Variants in BTBD7 observed in about 807,000 individuals in gnomAD.
BTBD7 encodes the protein BTB domain containing 7.
Under a neutral mutation model 99.9 loss-of-function variants are expected in BTBD7, and 38 were observed. The observed-to-expected ratio is 0.38, with a 90% confidence interval of 0.29 to 0.50. BTBD7 has a LOEUF of 0.50. Ranked by LOEUF, BTBD7 falls within the 20% of genes least tolerant of loss-of-function variation. BTBD7 has a pLI of 0.93. For missense variants in BTBD7, 1,170 were observed against 1,394.6 expected (o/e 0.84, Z 2.57); for synonymous variants, 520 against 511.4 (o/e 1.02, Z -0.23).
At chr14:93,291,574 T>C (rs1288392166) in intron 3 of BTBD7, among the ~76,000 whole-genome samples, 1 of 152,142 alleles carries the variant, frequency 6.6e-6, no homozygotes, top group East Asian at 1.9e-4. Context: ...GGGAAAGATA[T>C]GCCCCACATG....
intron 3 of BTBD7, chr14:93,288,815 A>G: frequency 1.4e-6 from 2 of 1,471,086 alleles, no homozygotes; most frequent in Admixed American, 2.6e-5. Context: ...TATACTTTTG[A>G]GCTGTTCACC....
At chr14:93,302,696 T>C (rs958995542) in intron 1 of BTBD7, among the ~76,000 whole-genome samples, 4 of 151,988 alleles carry the variant, frequency 2.6e-5, no homozygotes, top group Non-Finnish European at 2.9e-5. Context: ...AATACAAAAA[T>C]TAGCCCGGCG....
intron 8 of BTBD7, 40 bp downstream of exon 8, chr14:93,251,423 A>G (rs937120528): frequency 1.3e-6 from 2 of 1,506,680 alleles, no homozygotes; most frequent in Non-Finnish European, 1.8e-6. Context: ...AAAACAATAA[A>G]TTATTCATTT....
chr14:93,275,951 C>A lies in BTBD7; in HGVS notation c.1163-11958G>T, dbSNP rs557618545. Reference sequence around the variant, plus strand: ...AGTCTTGGCCATGCATGGTGGCTCACGCCTGTAGTCCCAGCACTTTGGGAG... The same window carrying A: ...AGTCTTGGCCATGCATGGTGGCTCAAGCCTGTAGTCCCAGCACTTTGGGAG... On this transcript the variant is annotated intron_variant, in intron 3 of 10. Transcript: ENST00000334746. Among the ~76,000 whole-genome samples the A allele has an allele frequency of 3.3e-5, 5 of 152,250 alleles. No homozygotes were observed. The East Asian group carries it at 5.8e-4, about 18-fold the overall frequency.
rs574940339 is a variant in BTBD7 at position 93,299,909 on chromosome 14, G to A, written c.-106-3752C>T. Among the ~76,000 whole-genome samples the A allele has an allele frequency of 7.3e-4, 111 of 152,318 alleles. 3 individuals are homozygous for A. In the South Asian group the frequency reaches 0.021, roughly 29 times the overall value. Reference sequence around the variant, plus strand: ...CACCTTTAAAGTGCTGAGGTTCATTGTAAAGAGGGAGCATTCAGCATGATC... The same window carrying A: ...CACCTTTAAAGTGCTGAGGTTCATTATAAAGAGGGAGCATTCAGCATGATC... On this transcript the variant is annotated intron_variant, in intron 1 of 10. Transcript: ENST00000334746.
rs756545835 is a variant in BTBD7, at chr14:93,242,338, A to G, written c.3334T>C (p.Ser1112Pro). 1 of 1,614,004 alleles carries G rather than the reference A, an allele frequency of 6.2e-7. No homozygotes were observed. The highest frequency in any genetic ancestry group is 1.3e-5 in the African/African-American group (1 of 74,890). The change falls in exon 11 of 11, where the codon TCA becomes CCA. Residue 1112 changes from serine to proline, a missense_variant. Ser to Pro is a moderately conservative substitution (Grantham distance 74). Around this residue, in one of 4 missense-constraint regions of BTBD7, gnomAD observed 495 missense variants for 525.9 expected, o/e 0.94. Transcript: ENST00000334746. ...QRNTDLERED[S>P]ISRGRRSPSK... is the part of the protein sequence containing the mutation. The stretch of plus-strand genomic sequence containing the variant: ...GGTGACCTCCTTCCTCTGCTTATTG[A>G]ATCTTCCCTTTCCAAATCTGTATTT...
intron 1 of BTBD7, among the ~76,000 whole-genome samples, chr14:93,312,884 G>A (rs971411893): frequency 1.3e-5 from 2 of 152,004 alleles, no homozygotes; most frequent in Admixed American, 1.3e-4. Flanking sequence ...TCTTTTGCCG[G>A]CTCTGGGTCT....
intron 3 of BTBD7, among the ~76,000 whole-genome samples, chr14:93,281,687 G>A (rs751872613): frequency 6.6e-6 from 1 of 152,160 alleles, no homozygotes; most frequent in African/African-American, 2.4e-5. Context: ...AAGATAGCAC[G>A]TTAAATACAC....
rs763802938 is a variant in BTBD7, at chr14:93,294,525, T to C, written c.495A>G (p.Pro165=). The C allele has an allele frequency of 1.2e-6, 2 of 1,613,990 alleles. No homozygotes were observed. Among genetic ancestry groups the C allele is most frequent in the Non-Finnish European group, 1.7e-6 (2 of 1,179,972 alleles). The part of the protein sequence containing the change: ...VHRAILAARC[P]FFKTLLSSSP... ...AGGAAGAAAGCAGTGTTTTAAAAAA[T>C]GGACACCTTGCTGCCAAAATGGCAC... Residue 165 remains proline (P), a synonymous_variant, in exon 3 of 11, where the codon CCA becomes CCG. Transcript: ENST00000334746.
chr14:93,245,137 C>T (rs1185052509), intron 10 of BTBD7, among the ~76,000 whole-genome samples: 1 of 143,626 alleles, frequency 7.0e-6, no homozygotes, highest in Admixed American at 7.1e-5. Flanking sequence ...GTTGGGATTA[C>T]AGGTGTGAGT....
At chr14:93,297,667 T>C (rs2052945633) in intron 1 of BTBD7, among the ~76,000 whole-genome samples, 1 of 152,200 alleles carries the variant, frequency 6.6e-6, no homozygotes, top group African/African-American at 2.4e-5. Flanking sequence ...AAAGCTGAGC[T>C]CCACAGAATC....
chr14:93,315,260 A>T (rs976808479), intron 1 of BTBD7, among the ~76,000 whole-genome samples: 1 of 152,188 alleles, frequency 6.6e-6, no homozygotes, highest in African/African-American at 2.4e-5. Context: ...AGTTTATAAC[A>T]CAGTTATTAT....
At position 93,242,230 on chromosome 14, in the gene BTBD7, G is replaced by C; in HGVS notation, c.*43C>G. On this transcript the variant is annotated 3_prime_UTR_variant, in exon 11 of 11. Coordinates refer to ENST00000334746, the MANE Select transcript of BTBD7 (RefSeq NM_001002860.4). The stretch of plus-strand genomic sequence containing the variant: ...AAGTTGTTGGGTTACATCATAAAAT[G>C]GGATGTTTCACATCTCAGGCACAGA... 6.4e-7 allele frequency: 1 copy of C among 1,550,566 alleles called. No homozygotes were observed.
chr14:93,254,671 G>A (rs2052409871), intron 6 of BTBD7, among the ~76,000 whole-genome samples: 1 of 152,238 alleles, frequency 6.6e-6, no homozygotes, highest in African/African-American at 2.4e-5. Context: ...CTAACTGAAT[G>A]AGGTATCCCT....
At chr14:93,253,858 ATATT>A in intron 6 of BTBD7, 68 bp from the exon 7 acceptor site, 1 of 666,532 alleles carries the variant, frequency 1.5e-6, no homozygotes. Context: ...ATAAATAAAA[ATATT>A]TATAACTATA....
At chr14:93,312,058 T>C (rs995104528) in intron 1 of BTBD7, among the ~76,000 whole-genome samples, 2 of 152,340 alleles carry the variant, frequency 1.3e-5, no homozygotes, top group South Asian at 2.1e-4. Context: ...TTATACTTTA[T>C]ACAACATTTT....
At chr14:93,305,497 C>A (rs908092892) in intron 1 of BTBD7, among the ~76,000 whole-genome samples, 4 of 152,134 alleles carry the variant, frequency 2.6e-5, no homozygotes, top group African/African-American at 9.7e-5. Flanking sequence ...AGTAGAAAAC[C>A]AGACAAAACT....
intron 3 of BTBD7, among the ~76,000 whole-genome samples, chr14:93,276,402 C>T (rs1438134072): frequency 6.6e-6 from 1 of 152,136 alleles, no homozygotes; most frequent in Non-Finnish European, 1.5e-5. Context: ...TTGCCTCTGT[C>T]AAGGGCAACT....
chr14:93,254,135 C>T (rs2052402889), intron 6 of BTBD7, among the ~76,000 whole-genome samples: 1 of 152,072 alleles, frequency 6.6e-6, no homozygotes, highest in African/African-American at 2.4e-5. Context: ...GACGGGGTTT[C>T]ACCATGTTGG....
Sources: gnomAD v4.1 joint callset for allele counts (sites outside exome capture counted in the v4.1 genomes callset) on GRCh38, gnomAD v4.1.1 for gene constraint, gnomAD v4.1.1 regional missense constraint, MANE v1.5 for transcripts, NCBI Gene and HGNC (gene_info 2026-07-23, HGNC 2026-07-21) for gene names.